The following NBPF12 variants were observed in gnomAD, a reference collection of about 807,000 sequenced individuals.
NBPF12 encodes NBPF member 12, also known as NBPF family member NBPF12.
In NBPF12, 115 loss-of-function variants were observed where a neutral mutation model predicts 146.4. The observed-to-expected ratio is 0.79, with a 90% CI of 0.68 to 0.92. NBPF12 has a LOEUF of 0.92. NBPF12 is among the 40% of genes least tolerant of loss of function. NBPF12 has a pLI of 0.00. For missense variants in NBPF12, 1,205 were observed against 1,326.8 expected, an observed-to-expected ratio of 0.91 and a Z score of 1.43; for synonymous variants, 385 against 508.9, an observed-to-expected ratio of 0.76 and a Z score of 3.28.
At chr1:146,964,514 G>T in intron 7 of NBPF12, 85 bp downstream of exon 10, 1 of 1,586,868 alleles carries the variant, frequency 6.3e-7, no homozygotes, top group Non-Finnish European at 8.6e-7. Context: ...ATCTATGGTG[G>T]GCCAAAAGCC....
At chr1:146,967,888 G>A (rs1389128423) in intron 9 of NBPF12, among the ~76,000 whole-genome samples, 1 of 128,870 alleles carries the variant, frequency 7.8e-6, no homozygotes, top group African/African-American at 3.2e-5. Context: ...TAGCATTTGG[G>A]CATAGGATTT....
exon 8 of NBPF12, chr1:146,965,009 A>G: frequency 6.2e-7 from 1 of 1,608,540 alleles, no homozygotes; most frequent in Non-Finnish European, 8.5e-7. Flanking sequence ...AAGAACATCA[A>G]AATCACATTT....
At chr1:146,963,810 T>A (rs1258371044) in intron 6 of NBPF12, among the ~76,000 whole-genome samples, 1 of 145,810 alleles carries the variant, frequency 6.9e-6, no homozygotes, top group Non-Finnish European at 1.5e-5. Flanking sequence ...GAAGCCCCTC[T>A]CCATGTGGTG....
exon 6 of NBPF12, chr1:146,963,097 A>G: frequency 1.2e-6 from 2 of 1,609,842 alleles, no homozygotes; most frequent in South Asian, 1.1e-5. Context: ...CACCTTAGGC[A>G]ATATAAAGTC....
At chr1:146,965,333 TA>T (rs1259784602) in intron 8 of NBPF12, among the ~76,000 whole-genome samples, 1 of 151,294 alleles carries the variant, frequency 6.6e-6, no homozygotes, top group Non-Finnish European at 1.5e-5. Flanking sequence ...AACCCATCTT[TA>T]CGAAGAATAC....
At chr1:146,963,225 G>A in exon 6 of NBPF12, 1 of 1,611,448 alleles carries the variant, frequency 6.2e-7, no homozygotes, top group Non-Finnish European at 8.5e-7. Context: ...GGATGAGCCG[G>A]ACAAGTCCCA....
upstream of NBPF12, among the ~76,000 whole-genome samples, chr1:146,945,930 T>C (rs1655037640): frequency 6.6e-6 from 1 of 151,734 alleles, no homozygotes; most frequent in South Asian, 2.1e-4. Context: ...GAAAATTCCC[T>C]GTGCTTCACC....
intron 7 of NBPF12, 50 bp from the exon 11 acceptor site, chr1:146,964,843 A>G (rs1656088786): frequency 6.3e-6 from 10 of 1,587,592 alleles, no homozygotes; most frequent in African/African-American, 2.7e-5. Context: ...CTGGGGTCCA[A>G]TCCCTCTGTG....
rs1656096450 is a variant in NBPF12 at position 146,964,983 on chromosome 1, CTCCA to C, written c.662_665del (p.Ile221SerfsTer21). On this transcript the variant is annotated frameshift_variant, in exon 8 of 34. Transcript: ENST00000617844. LOFTEE classifies it high-confidence loss of function. The stretch of plus-strand genomic sequence containing the variant: ...GTTCAAATAGCCACGGCCCTTGTGA[CTCCA>C]TCCAGCCTCACAAGAACATCAAAAT... 2.5e-6 allele frequency: 4 copies of C among 1,606,640 alleles called. No homozygotes were observed. Among genetic ancestry groups the C allele is most frequent in the South Asian group, 1.1e-5 (1 of 90,980 alleles).
At chr1:146,970,135 G>T (rs1276629764) in intron 11 of NBPF12, among the ~76,000 whole-genome samples, 5 of 150,726 alleles carry the variant, frequency 3.3e-5, no homozygotes, top group Non-Finnish European at 5.9e-5. Flanking sequence ...TGATGTGGGG[G>T]CATTTGGTGG....
At chr1:146,982,659 A>T (rs1283825346) in intron 19 of NBPF12, among the ~76,000 whole-genome samples, 5 of 150,268 alleles carry the variant, frequency 3.3e-5, no homozygotes, top group Non-Finnish European at 7.4e-5. Flanking sequence ...GCAAGTCATG[A>T]TGGTAGTTTA....
At chr1:146,963,452 G>A (rs1287400793) in intron 6 of NBPF12, 143 bp downstream of exon 9, 14 of 1,570,184 alleles carry the variant, frequency 8.9e-6, no homozygotes, top group Admixed American at 7.2e-5. Flanking sequence ...GGACTTCCTG[G>A]GTAAGAACAG....
intron 6 of NBPF12, among the ~76,000 whole-genome samples, 177 bp from the exon 10 acceptor site, chr1:146,964,180 T>C (rs1656041259): frequency 1.3e-5 from 2 of 149,618 alleles, no homozygotes; most frequent in East Asian, 3.9e-4. Context: ...ACATCAGAAA[T>C]GCATTGCCTG....
In NBPF12 at chr1:146,951,319, T is replaced by C. The variant is rs1284477766; in HGVS notation, c.-325-29T>C. 6 of 676,994 alleles carry C rather than the reference T, an allele frequency of 8.9e-6. No individual in the cohort carries two copies. In the East Asian group the frequency reaches 1.1e-4, roughly 12 times the overall value. The allele number at this position is 676,994 out of a possible 1,614,324, so 41.9% of individuals were successfully genotyped here. A position where few individuals can be genotyped will look rare whatever the true frequency, so the allele number is the denominator to read the frequency against. ...GGTAAAACCTTTTCCTCTGGGGAGG[T>C]AAATAAATTATTTGTTTCTTCTTGG... On this transcript the variant is annotated intron_variant, in intron 1 of 33. Transcript: ENST00000617844.
intron 22 of NBPF12, 67 bp downstream of exon 25, chr1:146,985,052 G>T: frequency 1.3e-6 from 1 of 784,664 alleles, no homozygotes; most frequent in Non-Finnish European, 2.3e-6. Flanking sequence ...TATTCCTACT[G>T]CAAGTGGCCC....
rs1455124669 is a variant in NBPF12 at position 146,964,781 on chromosome 1, G to A, written c.567-112G>A. The A allele has an allele frequency of 2.6e-6, 4 of 1,556,558 alleles. No homozygotes were observed. The Admixed American group carries it at 5.0e-5, about 20-fold the overall frequency. On this transcript the variant is annotated intron_variant, in intron 7 of 33. Coordinates refer to ENST00000617844, the Ensembl canonical transcript of NBPF12. ...CCCTCTTTAAGGGAACCTCCATTTT[G>A]CTTTCTGGGACCACTCTCTTAATGC... is the stretch of plus-strand genomic sequence containing the variant.
upstream of NBPF12, among the ~76,000 whole-genome samples, chr1:146,945,365 C>G (rs1182388650): frequency 1.3e-5 from 2 of 151,030 alleles, no homozygotes; most frequent in Non-Finnish European, 2.9e-5. Flanking sequence ...CTAGTCATCA[C>G]CAAGTTCTGC....
At chr1:146,953,847 A>G (rs1348865656) in intron 2 of NBPF12, among the ~76,000 whole-genome samples, 1 of 151,896 alleles carries the variant, frequency 6.6e-6, no homozygotes, top group African/African-American at 2.4e-5. Context: ...CAATAAAGTA[A>G]GAAAAATTAA....
chr1:146,972,448 T>G (rs1197397568), intron 13 of NBPF12, among the ~76,000 whole-genome samples: 38 of 151,482 alleles, frequency 2.5e-4, no homozygotes, highest in African/African-American at 8.8e-4. Flanking sequence ...AAATGAAATC[T>G]TTTGTGCTAC....
Sources: gnomAD v4.1 joint callset for allele counts (sites outside exome capture counted in the v4.1 genomes callset) on GRCh38, gnomAD v4.1.1 for gene constraint, MANE v1.5 for transcripts, NCBI Gene and HGNC (gene_info 2026-07-23, HGNC 2026-07-21) for gene names.